Variants in ABCB11 observed in about 807,000 individuals in gnomAD.
ABCB11 encodes ATP binding cassette subfamily B member 11.
Under a neutral mutation model 148.0 loss-of-function variants are expected in ABCB11, and 95 were observed. The ratio of observed to expected loss-of-function variants is 0.64; its 90% CI spans 0.54 to 0.76. The LOEUF is 0.76. Ranked by LOEUF, ABCB11 falls within the 30% of genes least tolerant of loss-of-function variation. The pLI is 0.00. For missense variants in ABCB11, 1,523 were observed against 1,617.8 expected (o/e 0.94, Z 1.01); for synonymous variants, 591 against 555.4 (o/e 1.06, Z -0.90).
rs539386008 is a variant in ABCB11 at position 168,956,484 on chromosome 2, T to C, written c.2343+1480A>G. 4.6e-5 allele frequency among the ~76,000 whole-genome samples: 7 copies of C among 151,738 alleles called. No individual in the cohort carries two copies. In the South Asian group the frequency reaches 1.5e-3, roughly 31 times the overall value. On this transcript the variant is annotated intron_variant, in intron 19 of 27. Transcript: ENST00000650372. Reference sequence around the variant, plus strand: ...TTGAATTTGCTTTTGTAGGGGAGATTTTTAAAAAATACTTTGGCTTTGATT... The same window carrying C: ...TTGAATTTGCTTTTGTAGGGGAGATCTTTAAAAAATACTTTGGCTTTGATT...
At chr2:168,941,769 T>A (rs187616460) in intron 21 of ABCB11, among the ~76,000 whole-genome samples, 1 of 152,052 alleles carries the variant, frequency 6.6e-6, no homozygotes, top group Non-Finnish European at 1.5e-5. Flanking sequence ...AGTTGTCTTA[T>A]AAGATATTGC....
chr2:168,995,805 A>G (rs1462646225), intron 6 of ABCB11, among the ~76,000 whole-genome samples: 3 of 151,916 alleles, frequency 2.0e-5, no homozygotes, highest in African/African-American at 7.2e-5. Flanking sequence ...AAAATAAGGC[A>G]TTATTGTTCT....
chr2:168,956,335 A>G (rs187778573), intron 19 of ABCB11, among the ~76,000 whole-genome samples: 4 of 151,818 alleles, frequency 2.6e-5, no homozygotes, highest in African/African-American at 9.6e-5. Context: ...AAGCCACACC[A>G]TTATTGGTTG....
intron 21 of ABCB11, among the ~76,000 whole-genome samples, chr2:168,939,751 A>G (rs142233530): frequency 2.6e-5 from 4 of 152,224 alleles, no homozygotes; most frequent in Non-Finnish European, 5.9e-5. Context: ...ATTTTTACTA[A>G]TGGAAGGTTT....
At chr2:169,013,226 A>T in intron 5 of ABCB11, 46 bp downstream of exon 5, 1 of 1,426,094 alleles carries the variant, frequency 7.0e-7, no homozygotes, top group Non-Finnish European at 9.7e-7. Flanking sequence ...ATTACAATTT[A>T]AGATATGAGC....
intron 13 of ABCB11, among the ~76,000 whole-genome samples, chr2:168,973,499 T>G (rs991497206): frequency 6.6e-6 from 1 of 152,038 alleles, no homozygotes; most frequent in South Asian, 2.1e-4. Context: ...TATCTGCACA[T>G]TCAGTTACAT....
chr2:169,011,096 T>C (rs1695172272), intron 5 of ABCB11, among the ~76,000 whole-genome samples: 1 of 152,208 alleles, frequency 6.6e-6, no homozygotes, highest in African/African-American at 2.4e-5. Flanking sequence ...ATGTTGAAAG[T>C]AGATTCATTC....
intron 1 of ABCB11, among the ~76,000 whole-genome samples, chr2:169,028,866 G>T (rs191930968): frequency 6.6e-6 from 1 of 152,254 alleles, no homozygotes; most frequent in Admixed American, 6.5e-5. Flanking sequence ...GCAGAGATTT[G>T]TTCCACTTTC....
intron 12 of ABCB11, among the ~76,000 whole-genome samples, chr2:168,975,624 A>T (rs1221276267): frequency 1.2e-5 from 1 of 80,306 alleles, no homozygotes; most frequent in Non-Finnish European, 2.6e-5. Context: ...TTTATAGATA[A>T]ATATATATTT....
chr2:169,001,136 C>T (rs980104116), intron 5 of ABCB11, among the ~76,000 whole-genome samples: 2 of 152,130 alleles, frequency 1.3e-5, no homozygotes, highest in Non-Finnish European at 2.9e-5. Flanking sequence ...TAATAAGTGT[C>T]TTATCTATTT....
intron 17 of ABCB11, among the ~76,000 whole-genome samples, chr2:168,966,684 GC>G (rs1223138664): frequency 1.3e-5 from 2 of 151,840 alleles, no homozygotes; most frequent in African/African-American, 4.8e-5. Flanking sequence ...AAGGAACTTA[GC>G]CATCAGAAAA....
intron 5 of ABCB11, among the ~76,000 whole-genome samples, chr2:169,002,627 CA>C (rs1558920654): frequency 1.3e-5 from 2 of 152,108 alleles, no homozygotes; most frequent in East Asian, 3.9e-4. Flanking sequence ...CTGTCCTTTG[CA>C]ACAACACAGA....
In ABCB11 at chr2:168,944,625, C is replaced by G; in HGVS notation, c.2590G>C (p.Asp864His). 1 of 1,608,470 alleles carries G rather than the reference C, an allele frequency of 6.2e-7. No individual in the cohort carries two copies. ...CTCACCCCTTGAACTTGGGAAGCAT[C>G]TGTAGCAAGTCTTGTTGTCAATGCT... Reference protein sequence around the residue: ...PGALTTRLATDASQVQGAAGS... With the variant: ...PGALTTRLATHASQVQGAAGS... Residue 864 changes from aspartate to histidine, a missense_variant, in exon 21 of 28, where the codon GAT becomes CAT. By Grantham distance (81) the Asp-to-His change is moderately conservative. Transcript: ENST00000650372.
intron 18 of ABCB11, 21 bp from the exon 19 acceptor site, chr2:168,958,149 T>C (rs1241689273): frequency 5.0e-6 from 8 of 1,604,666 alleles, no homozygotes; most frequent in Non-Finnish European, 6.0e-6. Context: ...GAGAGGGTTA[T>C]ATTAATCATC....
At chr2:169,026,054 T>G (rs1167850371) in intron 1 of ABCB11, among the ~76,000 whole-genome samples, 1 of 152,194 alleles carries the variant, frequency 6.6e-6, no homozygotes, top group Non-Finnish European at 1.5e-5. Flanking sequence ...TGTTTGGTAT[T>G]TTGTGGGTTG....
chr2:169,026,908 C>A (rs1286431473), intron 1 of ABCB11, among the ~76,000 whole-genome samples: 1 of 152,148 alleles, frequency 6.6e-6, no homozygotes, highest in African/African-American at 2.4e-5. Context: ...TATTTTTCCT[C>A]ACTGATTACA....
chr2:168,950,163 A>G (rs1430627149), intron 19 of ABCB11, among the ~76,000 whole-genome samples: 1 of 151,034 alleles, frequency 6.6e-6, no homozygotes, highest in Non-Finnish European at 1.5e-5. Flanking sequence ...ACACACACAC[A>G]CACACAAAAT....
chr2:168,954,888 A>C (rs1185858999), intron 19 of ABCB11, among the ~76,000 whole-genome samples: 1 of 151,716 alleles, frequency 6.6e-6, no homozygotes, highest in Non-Finnish European at 1.5e-5. Flanking sequence ...TATTTAGTCC[A>C]TGTTCAGTCC....
intron 5 of ABCB11, among the ~76,000 whole-genome samples, chr2:169,009,773 C>T (rs528937295): frequency 6.6e-6 from 1 of 151,718 alleles, no homozygotes; most frequent in East Asian, 2.1e-4. Flanking sequence ...TTGACTGTGG[C>T]AGTGAATGCA....
Sources: allele counts gnomAD v4.1 joint callset (sites outside exome capture counted in the v4.1 genomes callset), GRCh38; gene constraint gnomAD v4.1.1; transcripts MANE v1.5; gene names NCBI Gene and HGNC (gene_info 2026-07-23, HGNC 2026-07-21).